Variants in FBXO22 observed in about 807,000 individuals in gnomAD.
FBXO22 encodes the protein F-box only protein 22.
In FBXO22, 13 loss-of-function variants were observed where a neutral mutation model predicts 37.2. The ratio of observed to expected loss-of-function variants is 0.35; its 90% confidence interval spans 0.23 to 0.56. The LOEUF is 0.56. Ranked by LOEUF, FBXO22 falls within the 20% of genes least tolerant of loss-of-function variation. FBXO22 has a pLI of 0.87. For synonymous variants in FBXO22, 189 were observed against 189.1 expected, an observed-to-expected ratio of 1.00 and a Z score of 0.00; for missense variants, 446 against 509.9, an observed-to-expected ratio of 0.87 and a Z score of 1.21.
rs1212823163 is a variant in FBXO22 at position 75,934,575 on chromosome 15, TTATA to T, written c.*1481_*1484del. Reference sequence around the variant, plus strand: ...ACTGAAAATATTTTTCTCTTGCTATTTATATATATATGATAAAAATGCTTGGAAG... The same window carrying T: ...ACTGAAAATATTTTTCTCTTGCTATTTATATATGATAAAAATGCTTGGAAG... On this transcript the variant is annotated 3_prime_UTR_variant, in exon 7 of 7. Transcript: ENST00000308275. The T allele has an allele frequency of 6.6e-6, 1 of 152,240 alleles. No homozygotes were observed. The highest frequency in any genetic ancestry group is 2.1e-4 in the South Asian group (1 of 4,822). 9.4% of individuals were successfully genotyped at this position (152,240 alleles called of 1,614,324 possible).
Position 75,935,660 on chromosome 15 carries a change from G to C in FBXO22, c.*2558G>C, listed in dbSNP as rs1011885970. 4 of 150,936 alleles carry C rather than the reference G, an allele frequency of 2.7e-5. No individual in the cohort carries two copies. Among genetic ancestry groups the C allele is most frequent in the African/African-American group, 9.8e-5 (4 of 40,932 alleles). 9.3% of individuals were successfully genotyped at this position (150,936 alleles called of 1,614,324 possible). On this transcript the variant is annotated 3_prime_UTR_variant, in exon 7 of 7. Transcript: ENST00000308275. The stretch of plus-strand genomic sequence containing the variant: ...TTCACATTACAGTTATCTCAGTTTT[G>C]CTTAAAGCAAACCCTAACCCTCAAC...
At chr15:75,908,164 T>C (rs183071841) in intron 2 of FBXO22, among the ~76,000 whole-genome samples, 126 of 152,280 alleles carry the variant, frequency 8.3e-4, no homozygotes, top group African/African-American at 3.0e-3. Context: ...GACCAGACTT[T>C]TAATACTTGT....
intron 5 of FBXO22, among the ~76,000 whole-genome samples, chr15:75,927,139 C>A (rs1900462043): frequency 6.6e-6 from 1 of 152,132 alleles, no homozygotes; most frequent in Non-Finnish European, 1.5e-5. Flanking sequence ...GTAGGTCTGG[C>A]TAATGTATAA....
intron 6 of FBXO22, 41 bp from the exon 7 acceptor site, chr15:75,932,644 T>C: frequency 6.6e-7 from 1 of 1,524,692 alleles, no homozygotes. Flanking sequence ...TTAAAAATTT[T>C]AATGTTTCAT....
chr15:75,927,754 G>C (rs1260114021), intron 5 of FBXO22, among the ~76,000 whole-genome samples: 1 of 152,100 alleles, frequency 6.6e-6, no homozygotes, highest in Admixed American at 6.6e-5. Flanking sequence ...TGGACCAGAG[G>C]CAGTTTCCCA....
rs938219927 is a variant in FBXO22, at chr15:75,936,971, T to C, written c.*3869T>C. The C allele has an allele frequency of 1.3e-5, 2 of 152,166 alleles. No individual in the cohort carries two copies. Among genetic ancestry groups the C allele is most frequent in the Non-Finnish European group, 2.9e-5 (2 of 68,024 alleles). The allele number at this position is 152,166 out of a possible 1,614,324, so 9.4% of individuals were successfully genotyped here. On this transcript the variant is annotated 3_prime_UTR_variant, in exon 7 of 7. Transcript: ENST00000308275. ...GAAGATTGATTAATTTAGAAGAAAT[T>C]GAAAGAAAATATATTTATTAATGTT...
In FBXO22 at chr15:75,903,880, T is replaced by C. The variant is rs1173528675; in HGVS notation, c.-84T>C. 3 of 1,390,266 alleles carry C rather than the reference T, an allele frequency of 2.2e-6. No individual in the cohort carries two copies. The highest frequency in any genetic ancestry group is 3.0e-5 in the African/African-American group (2 of 67,558). The allele number at this position is 1,390,266 out of a possible 1,614,324, so 86.1% of individuals were successfully genotyped here. A position where few individuals can be genotyped will look rare whatever the true frequency, so the allele number is the denominator to read the frequency against. ...GGAAGTGGCGCGGACGCCTGCTCAG[T>C]GCGCGCCGGCCGGGCAACCCTATGC... is the stretch of plus-strand genomic sequence containing the variant. On this transcript the variant is annotated 5_prime_UTR_variant, in exon 1 of 7. Coordinates refer to ENST00000308275, the MANE Select transcript of FBXO22 (RefSeq NM_147188.3).
intron 2 of FBXO22, among the ~76,000 whole-genome samples, chr15:75,909,093 G>GAAA (rs1459000779): frequency 6.6e-6 from 1 of 152,126 alleles, no homozygotes; most frequent in South Asian, 2.1e-4. Context: ...AGCTAGCTTG[G>GAAA]AAAAATATAT....
rs1248614799 is a variant in FBXO22 at position 75,934,832 on chromosome 15, G to A, written c.*1730G>A. On this transcript the variant is annotated 3_prime_UTR_variant, in exon 7 of 7. Coordinates refer to ENST00000308275, the MANE Select transcript of FBXO22 (RefSeq NM_147188.3). Reference sequence around the variant, plus strand: ...AACCAGAATTGGTTGAATAGTAGAGGAAAAGGGATTTTTAAAACTGAAAAT... The same window carrying A: ...AACCAGAATTGGTTGAATAGTAGAGAAAAAGGGATTTTTAAAACTGAAAAT... 6.6e-6 allele frequency: 1 copy of A among 152,128 alleles called. No individual in the cohort carries two copies. Among genetic ancestry groups the A allele is most frequent in the Non-Finnish European group, 1.5e-5 (1 of 68,016 alleles). 9.4% of individuals were successfully genotyped at this position (152,128 alleles called of 1,614,324 possible).
intron 5 of FBXO22, among the ~76,000 whole-genome samples, chr15:75,923,789 G>T (rs530464240): frequency 2.6e-5 from 4 of 152,236 alleles, no homozygotes; most frequent in African/African-American, 7.2e-5. Flanking sequence ...GTATATGCAG[G>T]AGACACAGAC....
At chr15:75,917,020 T>G (rs1429836836) in intron 4 of FBXO22, among the ~76,000 whole-genome samples, 1 of 152,218 alleles carries the variant, frequency 6.6e-6, no homozygotes, top group Admixed American at 6.5e-5. Flanking sequence ...CAACATTTAT[T>G]TTTTCTCACT....
chr15:75,920,658 CA>C (rs894431252), intron 5 of FBXO22, among the ~76,000 whole-genome samples: 1 of 151,782 alleles, frequency 6.6e-6, no homozygotes, highest in Non-Finnish European at 1.5e-5. Context: ...CTCACCTCTA[CA>C]AAAAAACTAA....
In FBXO22 at chr15:75,939,624, T is replaced by A. The variant is rs1390357535; in HGVS notation, c.*6522T>A. On this transcript the variant is annotated 3_prime_UTR_variant, in exon 7 of 7. Coordinates refer to ENST00000308275, the MANE Select transcript of FBXO22 (RefSeq NM_147188.3). ...CAGACCAGTTATTCCTTATGATCGCTGATTCAACAATTGTCAATACTAGGA... is the reference window on the plus strand; with the variant it reads ...CAGACCAGTTATTCCTTATGATCGCAGATTCAACAATTGTCAATACTAGGA... 6.6e-6 allele frequency: 1 copy of A among 152,182 alleles called. No individual in the cohort carries two copies. The highest frequency in any genetic ancestry group is 2.4e-5 in the African/African-American group (1 of 41,458). The allele number at this position is 152,182 out of a possible 1,614,324, so 9.4% of individuals were successfully genotyped here.
intron 2 of FBXO22, among the ~76,000 whole-genome samples, chr15:75,912,938 G>C (rs1253703826): frequency 6.6e-6 from 1 of 152,202 alleles, no homozygotes. Context: ...TGCTTTAGCT[G>C]TGTCCCAGAG....
chr15:75,938,671 G>T lies in FBXO22; in HGVS notation c.*5569G>T, dbSNP rs2030622282. Reference sequence around the variant, plus strand: ...CAGCAGCAGATATAAGCAGGTAGAAGAAAGAATCAGCAAACTTGAGATGGG... The same window carrying T: ...CAGCAGCAGATATAAGCAGGTAGAATAAAGAATCAGCAAACTTGAGATGGG... On this transcript the variant is annotated 3_prime_UTR_variant, in exon 7 of 7. Coordinates refer to ENST00000308275, the MANE Select transcript of FBXO22 (RefSeq NM_147188.3). The T allele has an allele frequency of 6.6e-6, 1 of 152,220 alleles. No individual in the cohort carries two copies. Among genetic ancestry groups the T allele is most frequent in the Admixed American group, 6.5e-5 (1 of 15,292 alleles). The allele number at this position is 152,220 out of a possible 1,614,324, so 9.4% of individuals were successfully genotyped here. A position where few individuals can be genotyped will look rare whatever the true frequency, so the allele number is the denominator to read the frequency against.
chr15:75,917,416 T>G, intron 5 of FBXO22, 22 bp downstream of exon 5: 1 of 1,499,452 alleles, frequency 6.7e-7, no homozygotes, highest in East Asian at 2.3e-5. Flanking sequence ...TTATTTATCA[T>G]TAACTGCTCA....
chr15:75,911,494 G>T (rs1900051367), intron 2 of FBXO22, among the ~76,000 whole-genome samples: 1 of 152,102 alleles, frequency 6.6e-6, no homozygotes, highest in African/African-American at 2.4e-5. Context: ...CTTGTAAGTT[G>T]TATTCTTAGG....
At chr15:75,923,143 G>A (rs1353594794) in intron 5 of FBXO22, among the ~76,000 whole-genome samples, 3 of 152,184 alleles carry the variant, frequency 2.0e-5, no homozygotes, top group African/African-American at 7.2e-5. Flanking sequence ...GCCCTGATAT[G>A]TGGCACTGGT....
At chr15:75,932,152 T>A (rs1430290556) in intron 6 of FBXO22, among the ~76,000 whole-genome samples, 14 of 152,230 alleles carry the variant, frequency 9.2e-5, no homozygotes, top group Non-Finnish European at 2.1e-4. Context: ...AGTTTGAGGC[T>A]GCAGTGAGCT....
Sources: allele counts gnomAD v4.1 joint callset (sites outside exome capture counted in the v4.1 genomes callset), GRCh38; gene constraint gnomAD v4.1.1; transcripts MANE v1.5; gene names NCBI Gene and HGNC (gene_info 2026-07-23, HGNC 2026-07-21).